Variants in JAKMIP1 observed in about 807,000 individuals in gnomAD.
JAKMIP1 encodes the protein janus kinase and microtubule-interacting protein 1.
Under a neutral mutation model 113.0 loss-of-function variants are expected in JAKMIP1, and 33 were observed. That is an observed-to-expected ratio of 0.29 (90% CI 0.22 to 0.39). JAKMIP1 has a LOEUF of 0.39. Ranked by LOEUF, JAKMIP1 falls within the 10% of genes least tolerant of loss-of-function variation. JAKMIP1 has a pLI of 1.00. For missense variants in JAKMIP1, 813 were observed against 1,080.5 expected (o/e 0.75, Z 3.47); for synonymous variants, 480 against 459.9 (o/e 1.04, Z -0.56).
chr4:6,143,456 C>T lies in JAKMIP1; in HGVS notation c.-147-30459G>A, dbSNP rs970779098. Reference sequence around the variant, plus strand: ...AAGAGTCAACGGGTCCCCTCTGGAGCCAGCATGTGCCACCTCACACTCCAC... The same window carrying T: ...AAGAGTCAACGGGTCCCCTCTGGAGTCAGCATGTGCCACCTCACACTCCAC... On this transcript the variant is annotated intron_variant, in intron 1 of 20. Transcript: ENST00000409021. The surrounding 1 kb of genome is among the most constrained non-coding windows in gnomAD (Gnocchi z 4.9). Among the ~76,000 whole-genome samples the T allele has an allele frequency of 1.3e-5, 2 of 152,170 alleles. No individual in the cohort carries two copies. Among genetic ancestry groups the T allele is most frequent in the Non-Finnish European group, 2.9e-5 (2 of 68,038 alleles).
chr4:6,033,425 G>T (rs988301455), intron 19 of JAKMIP1, among the ~76,000 whole-genome samples: 5 of 152,180 alleles, frequency 3.3e-5, no homozygotes, highest in Admixed American at 3.3e-4. Flanking sequence ...AAAGGTGAGA[G>T]AAGACATGAT....
chr4:6,196,917 C>T (rs1237985066), intron 1 of JAKMIP1, among the ~76,000 whole-genome samples: 1 of 152,016 alleles, frequency 6.6e-6, no homozygotes, highest in African/African-American at 2.4e-5. Flanking sequence ...CTCATGCCAT[C>T]CCTGTTGGAA....
At chr4:6,083,223 T>G (rs1306075098) in intron 5 of JAKMIP1, among the ~76,000 whole-genome samples, 1 of 151,760 alleles carries the variant, frequency 6.6e-6, no homozygotes, top group Non-Finnish European at 1.5e-5. Flanking sequence ...GCCAACATGG[T>G]GAAACCCCAT....
chr4:6,112,273 A>G (rs1252810258), intron 2 of JAKMIP1, among the ~76,000 whole-genome samples: 1 of 152,232 alleles, frequency 6.6e-6, no homozygotes, highest in Non-Finnish European at 1.5e-5. Context: ...CCCATGGATC[A>G]AGGGTCAAGC....
chr4:6,029,876 A>G (rs565771796), intron 19 of JAKMIP1, 95 bp from the exon 20 acceptor site: 58 of 855,310 alleles, frequency 6.8e-5, no homozygotes, highest in South Asian at 6.4e-4. Context: ...CAGAAGCTGT[A>G]AAGGATACCA....
At chr4:6,030,391 T>C (rs62284774) in intron 19 of JAKMIP1, among the ~76,000 whole-genome samples, 76,275 of 151,824 alleles carry the variant, frequency 0.5, 20,511 homozygotes, top group African/African-American at 0.71. Context: ...GGTGTGAGCC[T>C]CAGGAAACCC....
chr4:6,032,641 G>A (rs1267212208), intron 19 of JAKMIP1, among the ~76,000 whole-genome samples: 5 of 150,788 alleles, frequency 3.3e-5, no homozygotes, highest in African/African-American at 9.8e-5. Context: ...CTTGGTACAC[G>A]AATGTTAGAA....
At position 6,105,464 on chromosome 4, in the gene JAKMIP1, G is replaced by A. The variant is rs1261877835; in HGVS notation, c.624+9C>T. Reference sequence around the variant, plus strand: ...CGTGCCCGCGGGCGGGGGAGGGGGCGGCACGTACCAGCCTGCGGATGTCGC... The same window carrying A: ...CGTGCCCGCGGGCGGGGGAGGGGGCAGCACGTACCAGCCTGCGGATGTCGC... On this transcript the variant is annotated intron_variant, in intron 3 of 20. Transcript: ENST00000409021. 5.7e-6 allele frequency: 9 copies of A among 1,583,052 alleles called. No individual in the cohort carries two copies. Among genetic ancestry groups the A allele is most frequent in the East Asian group, 2.3e-5 (1 of 44,418 alleles).
intron 12 of JAKMIP1, among the ~76,000 whole-genome samples, chr4:6,055,218 G>A (rs1716218126): frequency 6.6e-6 from 1 of 152,008 alleles, no homozygotes. Context: ...CAGAGACAGT[G>A]GACTGGAGGC....
At position 6,051,241 on chromosome 4, in the gene JAKMIP1, A is replaced by G. The variant is rs1234288339; in HGVS notation, c.1807-562T>C. ...TTCTTTCCTTTTTTTTTTTTTTTTG[A>G]GAGGGTGTTCTGTTCTTGTCGCCCA... On this transcript the variant is annotated intron_variant, in intron 13 of 20. Coordinates refer to ENST00000409021, the MANE Select transcript of JAKMIP1 (RefSeq NM_001099433.2). This position sits in a 1 kb window ranked among gnomAD's most constrained non-coding sequence, Gnocchi z 5.0. 2.4e-5 allele frequency among the ~76,000 whole-genome samples: 3 copies of G among 124,828 alleles called. No individual in the cohort carries two copies. In the Admixed American group the frequency reaches 2.4e-4, roughly 10 times the overall value. 81.9% of individuals were successfully genotyped at this position (124,828 alleles called of 152,430 possible).
chr4:6,116,175 C>T lies in JAKMIP1; in HGVS notation c.-147-3178G>A, dbSNP rs766134110. ...CTCAGGGTGGGCCCCAGCAGCCGGC[C>T]TCTGTGCCATGGACACACTGTTGAT... On this transcript the variant is annotated intron_variant, in intron 1 of 20. Coordinates refer to ENST00000409021, the MANE Select transcript of JAKMIP1 (RefSeq NM_001099433.2). The surrounding 1 kb of genome is among the most constrained non-coding windows in gnomAD (Gnocchi z 5.1). Among the ~76,000 whole-genome samples, 1 of 152,086 alleles carries T rather than the reference C, an allele frequency of 6.6e-6. No homozygotes were observed. Among genetic ancestry groups the T allele is most frequent in the Non-Finnish European group, 1.5e-5 (1 of 68,010 alleles).
rs542837593 is a variant in JAKMIP1, at chr4:6,142,144, C to T, written c.-147-29147G>A. On this transcript the variant is annotated intron_variant, in intron 1 of 20. Coordinates refer to ENST00000409021, the MANE Select transcript of JAKMIP1 (RefSeq NM_001099433.2). This position sits in a 1 kb window ranked among gnomAD's most constrained non-coding sequence, Gnocchi z 5.5. ...ATCATGAAATAAGAATTTTCCAAGA[C>T]GCTCTGAAGAGTGGTGGAGGCCTTC... is the stretch of plus-strand genomic sequence containing the variant. Among the ~76,000 whole-genome samples, 7 of 152,238 alleles carry T rather than the reference C, an allele frequency of 4.6e-5. No individual in the cohort carries two copies. In the East Asian group the frequency reaches 5.8e-4, roughly 13 times the overall value.
chr4:6,182,630 G>T (rs1726173562), intron 1 of JAKMIP1, among the ~76,000 whole-genome samples: 1 of 152,148 alleles, frequency 6.6e-6, no homozygotes, highest in Non-Finnish European at 1.5e-5. Context: ...AGCTTCTGTT[G>T]TTTCAGCCCC....
rs1193069886 is a variant in JAKMIP1 at position 6,178,683 on chromosome 4, C to T, written c.-148+21570G>A. ...TCCCCAGCCATGCAAAACTGTGAGT[C>T]AATTAAACCTCTTTTCTTTATAAAT... On this transcript the variant is annotated intron_variant, in intron 1 of 20. Transcript: ENST00000409021. The surrounding 1 kb of genome is among the most constrained non-coding windows in gnomAD (Gnocchi z 5.5). Among the ~76,000 whole-genome samples the T allele has an allele frequency of 6.6e-6, 1 of 152,178 alleles. No homozygotes were observed. Among genetic ancestry groups the T allele is most frequent in the Non-Finnish European group, 1.5e-5 (1 of 68,036 alleles).
chr4:6,131,946 A>G (rs1484344112), intron 1 of JAKMIP1, among the ~76,000 whole-genome samples: 1 of 152,264 alleles, frequency 6.6e-6, no homozygotes, highest in Non-Finnish European at 1.5e-5. Flanking sequence ...GGAAAAAGGA[A>G]GATTAAAAGC....
chr4:6,080,353 C>G lies in JAKMIP1; in HGVS notation c.1102-41G>C. ...GACAGACCACCACAGGGTTACCCGC[C>G]AACAGTGTTTGTTAGGGACAGTGCT... On this transcript the variant is annotated intron_variant, in intron 6 of 20. Transcript: ENST00000409021. The surrounding 1 kb of genome is among the most constrained non-coding windows in gnomAD (Gnocchi z 6.0). 2.5e-6 allele frequency: 4 copies of G among 1,604,312 alleles called. No homozygotes were observed. Among genetic ancestry groups the G allele is most frequent in the Non-Finnish European group, 3.4e-6 (4 of 1,174,838 alleles).
At chr4:6,063,852 C>T (rs1043482284) in intron 9 of JAKMIP1, among the ~76,000 whole-genome samples, 3 of 152,194 alleles carry the variant, frequency 2.0e-5, no homozygotes, top group Non-Finnish European at 4.4e-5. Flanking sequence ...TGTGGGGGCG[C>T]AAGGAGCTGC....
chr4:6,057,161 C>T (rs998981831), intron 11 of JAKMIP1, among the ~76,000 whole-genome samples: 1 of 152,196 alleles, frequency 6.6e-6, no homozygotes, highest in East Asian at 1.9e-4. Context: ...GCCCTTCCCA[C>T]GTTTCTTTGC....
chr4:6,085,219 G>A (rs894250402), intron 4 of JAKMIP1, among the ~76,000 whole-genome samples: 7 of 152,060 alleles, frequency 4.6e-5, no homozygotes, highest in South Asian at 2.1e-4. Flanking sequence ...CTCCCACCCC[G>A]TATCTCTTAC....
Sources: allele counts gnomAD v4.1 joint callset (sites outside exome capture counted in the v4.1 genomes callset), GRCh38; gene constraint gnomAD v4.1.1; non-coding constraint Gnocchi (gnomAD v3.1); transcripts MANE v1.5; gene names NCBI Gene and HGNC (gene_info 2026-07-23, HGNC 2026-07-21).